The following UBR2 variants were observed in gnomAD, a reference collection of about 807,000 sequenced individuals.
The protein encoded by UBR2 is ubiquitin protein ligase E3 component n-recognin 2, also known as E3 ubiquitin-protein ligase UBR2.
UBR2 carries 92 observed loss-of-function variants against 247.9 expected under a neutral mutation model. The observed-to-expected ratio is 0.37, with a 90% CI of 0.31 to 0.44. The LOEUF (loss-of-function observed/expected upper bound fraction) is 0.44, where lower values mean the gene tolerates loss of function less well. Among genes scored for constraint, UBR2 ranks in the 20% least tolerant of loss-of-function variants. The probability of loss-of-function intolerance (pLI) is 1.00; values close to 1 mark genes in which losing one functional copy is unlikely to be tolerated. For synonymous variants in UBR2, 672 were observed against 693.5 expected (o/e 0.97, Z 0.49); for missense variants, 1,613 against 2,112.6 (o/e 0.76, Z 4.64).
chr6:42,691,274 T>TCC lies in UBR2; in HGVS notation c.*101_*102insCC. The TCC allele has an allele frequency of 6.7e-7, 1 of 1,495,914 alleles. No homozygotes were observed. Among genetic ancestry groups the TCC allele is most frequent in the Non-Finnish European group, 9.1e-7 (1 of 1,098,234 alleles). 92.7% of individuals were successfully genotyped at this position (1,495,914 alleles called of 1,614,324 possible). On this transcript the variant is annotated 3_prime_UTR_variant, in exon 47 of 47. Coordinates refer to ENST00000372901, the MANE Select transcript of UBR2 (RefSeq NM_001363705.2). Reference sequence around the variant, plus strand: ...TGAATTTGGAAATAAATTCTTTATTTAAACTTTCCTTCCCAGTTTTATAGT... The same window carrying TCC: ...TGAATTTGGAAATAAATTCTTTATTTCCAAACTTTCCTTCCCAGTTTTATAGT...
chr6:42,683,067 C>A lies in UBR2; in HGVS notation c.4731C>A (p.Asn1577Lys), dbSNP rs769865060. The A allele has an allele frequency of 1.2e-6, 2 of 1,612,242 alleles. No homozygotes were observed. The highest frequency in any genetic ancestry group is 2.2e-5 in the South Asian group (2 of 90,908). Residue 1577 changes from asparagine (N) to lysine (K), a missense_variant, in exon 43 of 47, where the codon AAC (asparagine) becomes AAA (lysine). By Grantham distance (94) the Asn-to-Lys change is moderately conservative (BLOSUM62 0). This residue lies in a region of UBR2 where 1,524 missense variants were observed against 1,967.3 expected (regional missense o/e 0.77). Transcript: ENST00000372901. Reference sequence around the variant, plus strand: ...GTTTACATTAAAGTTGGTGCCGTAACAGTGAAGTTAAAAGATATCTAGAAG... The same window carrying A: ...GTTTACATTAAAGTTGGTGCCGTAAAAGTGAAGTTAAAAGATATCTAGAAG... ...MNSLIESWCR[N>K]SEVKRYLEGE...
chr6:42,674,099 C>T (rs1473852226), intron 37 of UBR2, 27 bp from the exon 38 acceptor site: 1 of 1,602,186 alleles, frequency 6.2e-7, no homozygotes, highest in Non-Finnish European at 8.5e-7. Flanking sequence ...ATGAAATATG[C>T]TAATGTATTT....
intron 46 of UBR2, among the ~76,000 whole-genome samples, chr6:42,690,767 C>T (rs780117532): frequency 4.6e-5 from 7 of 152,178 alleles, no homozygotes; most frequent in Non-Finnish European, 1.0e-4. Flanking sequence ...TTATCCCCCG[C>T]AACCTCTATT....
intron 7 of UBR2, among the ~76,000 whole-genome samples, chr6:42,608,501 A>G (rs1793860779): frequency 6.6e-6 from 1 of 152,164 alleles, no homozygotes; most frequent in Non-Finnish European, 1.5e-5. Flanking sequence ...ATGATGGTGC[A>G]CACATGTAGT....
chr6:42,592,293 C>T, intron 3 of UBR2, 64 bp downstream of exon 3: 1 of 1,284,162 alleles, frequency 7.8e-7, no homozygotes, highest in African/African-American at 1.5e-5. Context: ...TCTTTTCTTT[C>T]TTTTCAAAAT....
At chr6:42,580,042 G>GT (rs1217491385) in intron 2 of UBR2, among the ~76,000 whole-genome samples, 9 of 84,746 alleles carry the variant, frequency 1.1e-4, no homozygotes, top group African/African-American at 4.9e-4. Context: ...GAGATTTCTA[G>GT]GTTTTTTTTT....
chr6:42,685,477 T>G (rs1017955116), intron 44 of UBR2, among the ~76,000 whole-genome samples: 4 of 151,892 alleles, frequency 2.6e-5, no homozygotes, highest in Non-Finnish European at 4.4e-5. Flanking sequence ...AATTTTTTTT[T>G]TTTTTTGAGA....
At chr6:42,602,003 G>A (rs1793408222) in intron 4 of UBR2, among the ~76,000 whole-genome samples, 1 of 96,672 alleles carries the variant, frequency 1.0e-5, no homozygotes, top group Non-Finnish European at 2.3e-5. Context: ...CTAAGTAGCT[G>A]GGATTACAGG....
intron 38 of UBR2, 131 bp downstream of exon 38, chr6:42,674,324 T>C: frequency 1.3e-6 from 1 of 797,946 alleles, no homozygotes; most frequent in Non-Finnish European, 1.9e-6. Context: ...ATAATTCTTT[T>C]ATGAGAAACC....
At chr6:42,583,189 C>T (rs1792018502) in intron 2 of UBR2, among the ~76,000 whole-genome samples, 1 of 152,010 alleles carries the variant, frequency 6.6e-6, no homozygotes, top group African/African-American at 2.4e-5. Flanking sequence ...TTCTTGTGTC[C>T]AGTAAATCTC....
At position 42,655,381 on chromosome 6, in the gene UBR2, G is replaced by A. The variant is rs534176580; in HGVS notation, c.2770-240G>A. Among the ~76,000 whole-genome samples, 7 of 151,374 alleles carry A rather than the reference G, an allele frequency of 4.6e-5. No homozygotes were observed. In the East Asian group the frequency reaches 5.8e-4, roughly 13 times the overall value. The stretch of plus-strand genomic sequence containing the variant: ...TAGTCCCAGCTACTCGGGAGGCTGA[G>A]GCAGGAGAATCACTTGAACCTGGGA... On this transcript the variant is annotated intron_variant, in intron 25 of 46. Coordinates refer to ENST00000372901, the MANE Select transcript of UBR2 (RefSeq NM_001363705.2).
At chr6:42,570,013 C>G (rs1397051994) in intron 1 of UBR2, among the ~76,000 whole-genome samples, 1 of 151,760 alleles carries the variant, frequency 6.6e-6, no homozygotes, top group Non-Finnish European at 1.5e-5. Context: ...AACTGGAAAT[C>G]TTAATTTTTC....
At chr6:42,667,496 T>C (rs1431785633) in intron 34 of UBR2, among the ~76,000 whole-genome samples, 1 of 151,232 alleles carries the variant, frequency 6.6e-6, no homozygotes, top group Non-Finnish European at 1.5e-5. Context: ...TTTGGTTAAA[T>C]CTAGTTGTCA....
intron 7 of UBR2, among the ~76,000 whole-genome samples, chr6:42,607,173 T>C (rs942689131): frequency 6.7e-6 from 1 of 148,262 alleles, no homozygotes; most frequent in Non-Finnish European, 1.5e-5. Flanking sequence ...AAAATAATTT[T>C]ATCTTTTTTT....
intron 34 of UBR2, among the ~76,000 whole-genome samples, chr6:42,668,766 A>G (rs1264968644): frequency 1.3e-5 from 2 of 151,508 alleles, no homozygotes; most frequent in East Asian, 2.0e-4. Flanking sequence ...TTTTTTAGAG[A>G]CAGGTTCTAT....
At chr6:42,594,399 A>T in intron 4 of UBR2, 95 bp downstream of exon 4, 1 of 910,906 alleles carries the variant, frequency 1.1e-6, no homozygotes. Context: ...AGCAAATAGT[A>T]CTTCCACTAT....
intron 2 of UBR2, among the ~76,000 whole-genome samples, chr6:42,576,132 G>A (rs1038247906): frequency 6.6e-6 from 1 of 152,040 alleles, no homozygotes; most frequent in Non-Finnish European, 1.5e-5. Flanking sequence ...AAGGATCCTG[G>A]TTCTTTTTAG....
rs902377390 is a variant in UBR2, at chr6:42,662,364, A to T, written c.3536+87A>T. The T allele has an allele frequency of 5.8e-5, 51 of 873,688 alleles. No individual in the cohort carries two copies. The African/African-American group carries it at 7.5e-4, about 13-fold the overall frequency. The allele number at this position is 873,688 out of a possible 1,614,324, so 54.1% of individuals were successfully genotyped here. A position where few individuals can be genotyped will look rare whatever the true frequency, so the allele number is the denominator to read the frequency against. On this transcript the variant is annotated intron_variant, in intron 31 of 46. Transcript: ENST00000372901. The stretch of plus-strand genomic sequence containing the variant: ...TAGAGGAAATTTCATTCTAGAAAAA[A>T]GGAAAAGAACTAAAAATGTTGAAAA...
intron 1 of UBR2, 60 bp from the exon 2 acceptor site, chr6:42,573,674 A>G (rs1272109126): frequency 6.3e-6 from 9 of 1,417,392 alleles, no homozygotes; most frequent in Non-Finnish European, 5.6e-6. Context: ...AGTAGGGTGA[A>G]TTTGTTCAAA....
Sources: allele counts gnomAD v4.1 joint callset (sites outside exome capture counted in the v4.1 genomes callset), GRCh38; gene constraint gnomAD v4.1.1; regional missense constraint gnomAD v4.1.1; transcripts MANE v1.5; gene names NCBI Gene and HGNC (gene_info 2026-07-23, HGNC 2026-07-21).